The following PRDM10 variants were observed in gnomAD, a reference collection of about 807,000 sequenced individuals.
PRDM10 encodes the protein PR/SET domain 10.
PRDM10 carries 65 observed loss-of-function variants against 133.1 expected under a neutral mutation model. The ratio of observed to expected loss-of-function variants is 0.49; its 90% CI spans 0.40 to 0.60. The LOEUF is 0.60. Ranked by LOEUF, PRDM10 falls within the 20% of genes least tolerant of loss-of-function variation. PRDM10 has a pLI of 0.00. For synonymous variants in PRDM10, 582 were observed against 580.4 expected (o/e 1.00, Z -0.04); for missense variants, 1,137 against 1,507.1 (o/e 0.75, Z 4.07).
At chr11:129,995,887 C>G (rs140284317) in intron 1 of PRDM10, among the ~76,000 whole-genome samples, 1 of 151,500 alleles carries the variant, frequency 6.6e-6, no homozygotes, top group African/African-American at 2.4e-5. Context: ...CGGAGGTTGC[C>G]GTGAGCTGAG....
chr11:129,907,242 A>G (rs1950043832), intron 19 of PRDM10, among the ~76,000 whole-genome samples: 1 of 152,220 alleles, frequency 6.6e-6, no homozygotes, highest in African/African-American at 2.4e-5. Context: ...GCTTGGTAAC[A>G]TGGGAATCCC....
chr11:129,906,939 T>C (rs900727860), intron 19 of PRDM10, among the ~76,000 whole-genome samples: 1 of 149,690 alleles, frequency 6.7e-6, no homozygotes, highest in South Asian at 2.1e-4. Flanking sequence ...ATCGCACCAC[T>C]GCACTCTAGG....
chr11:129,911,913 T>C lies in PRDM10; in HGVS notation c.2982+172A>G, dbSNP rs1288133143. 3.9e-5 allele frequency among the ~76,000 whole-genome samples: 6 copies of C among 152,344 alleles called. No individual in the cohort carries two copies. The South Asian group carries it at 1.0e-3, about 26-fold the overall frequency. ...CAGAAGCAGCTAACAGCTTAATATG[T>C]GTCCACAATGCCAATATAAAAATTG... On this transcript the variant is annotated intron_variant, in intron 18 of 20. Transcript: ENST00000360871.
rs535965984 is a variant in PRDM10, at chr11:129,956,177, G to A, written c.235-606C>T. ...CTAAGTTGGCTCATGATGCAGCAAAGCTAACTAGAGAAAATTCTTCGAAAC... is the reference window on the plus strand; with the variant it reads ...CTAAGTTGGCTCATGATGCAGCAAAACTAACTAGAGAAAATTCTTCGAAAC... On this transcript the variant is annotated intron_variant, in intron 3 of 20. Transcript: ENST00000360871. Among the ~76,000 whole-genome samples, 14 of 152,196 alleles carry A rather than the reference G, an allele frequency of 9.2e-5. 1 individual carries two copies. The South Asian group carries it at 2.7e-3, about 29-fold the overall frequency.
chr11:130,002,143 G>GCCCGGCC (rs1482023523), intron 1 of PRDM10, among the ~76,000 whole-genome samples: 1 of 149,484 alleles, frequency 6.7e-6, no homozygotes, highest in South Asian at 2.1e-4. Flanking sequence ...CCAGCCCGGC[G>GCCCGGCC]CCCGGCCCCC....
intron 1 of PRDM10, among the ~76,000 whole-genome samples, chr11:129,990,490 C>G (rs1450459304): frequency 6.8e-6 from 1 of 146,812 alleles, no homozygotes; most frequent in Non-Finnish European, 1.5e-5. Flanking sequence ...CCACTGCACT[C>G]CAGCCTGGGT....
intron 1 of PRDM10, among the ~76,000 whole-genome samples, chr11:129,964,390 T>C (rs948421328): frequency 2.6e-4 from 40 of 152,358 alleles, no homozygotes; most frequent in African/African-American, 9.4e-4. Context: ...AGGTATACAG[T>C]GGACAATCTC....
In PRDM10 at chr11:129,900,926, T is replaced by C; in HGVS notation, c.*1387A>G. 6.6e-6 allele frequency: 1 copy of C among 152,654 alleles called. No homozygotes were observed. Among genetic ancestry groups the C allele is most frequent in the East Asian group, 1.9e-4 (1 of 5,198 alleles). 9.5% of individuals were successfully genotyped at this position (152,654 alleles called of 1,614,324 possible). A position where few individuals can be genotyped will look rare whatever the true frequency, so the allele number is the denominator to read the frequency against. ...AAAATTGTCTTTATCATAAAGAAGC[T>C]ACTCTACTTAATTTATAGAACCAGT... is the stretch of plus-strand genomic sequence containing the variant. On this transcript the variant is annotated 3_prime_UTR_variant, in exon 21 of 21. Coordinates refer to ENST00000360871, the MANE Select transcript of PRDM10 (RefSeq NM_199437.2).
chr11:129,962,381 C>T (rs1043157296), intron 1 of PRDM10, among the ~76,000 whole-genome samples: 1 of 152,208 alleles, frequency 6.6e-6, no homozygotes, highest in Non-Finnish European at 1.5e-5. Context: ...AGAGAGGATG[C>T]CATGTCCATC....
chr11:129,908,763 C>T (rs1376562820), intron 19 of PRDM10, among the ~76,000 whole-genome samples: 2 of 152,202 alleles, frequency 1.3e-5, no homozygotes, highest in East Asian at 1.9e-4. Flanking sequence ...ATCTTCATCA[C>T]TCCACTTTTT....
chr11:129,941,100 T>G (rs1232127182), intron 7 of PRDM10, among the ~76,000 whole-genome samples: 36 of 152,216 alleles, frequency 2.4e-4, no homozygotes, highest in Admixed American at 2.4e-3. Flanking sequence ...AAAACAGAGG[T>G]TCTGCATACC....
At chr11:129,960,760 T>A (rs1239555900) in intron 2 of PRDM10, 136 bp downstream of exon 2, 3 of 846,278 alleles carry the variant, frequency 3.5e-6, no homozygotes, top group Admixed American at 2.3e-5. Context: ...ACAGTCCCTA[T>A]TCCTTGTGTA....
intron 1 of PRDM10, among the ~76,000 whole-genome samples, chr11:129,963,265 C>T (rs6590430): frequency 0.033 from 4,952 of 150,776 alleles, 269 homozygotes; most frequent in African/African-American, 0.11. Context: ...AATCAGAGCC[C>T]GGCGTGGTGG....
intron 1 of PRDM10, among the ~76,000 whole-genome samples, chr11:129,994,880 C>T (rs1591708527): frequency 6.6e-6 from 1 of 152,240 alleles, no homozygotes; most frequent in East Asian, 1.9e-4. Context: ...GTCTTGATCT[C>T]CTGACCTCGT....
intron 1 of PRDM10, among the ~76,000 whole-genome samples, chr11:129,976,498 A>T (rs980295325): frequency 2.0e-5 from 3 of 152,212 alleles, no homozygotes; most frequent in African/African-American, 7.2e-5. Flanking sequence ...GGTCACGACA[A>T]CTCAATGAAG....
chr11:129,929,444 G>A (rs1441465575), intron 11 of PRDM10: 12 of 1,552,284 alleles, frequency 7.7e-6, no homozygotes, highest in Non-Finnish European at 1.0e-5. Context: ...CATTAGAGGA[G>A]AGAAAAATAG....
In PRDM10 at chr11:129,923,264, C is replaced by T. The variant is rs1319176059; in HGVS notation, c.2018G>A (p.Cys673Tyr). 1 of 1,587,210 alleles carries T rather than the reference C, an allele frequency of 6.3e-7. No homozygotes were observed. Among genetic ancestry groups the T allele is most frequent in the Non-Finnish European group, 8.6e-7 (1 of 1,165,766 alleles). The change falls in exon 13 of 21, where the codon TGT becomes TAT. Residue 673 changes from cysteine (C) to tyrosine (Y), a missense_variant. By Grantham distance (194) the Cys-to-Tyr change is radical. Around this residue, in one of 6 missense-constraint regions of PRDM10, gnomAD observed 78 missense variants for 96.4 expected, o/e 0.81. Transcript: ENST00000360871. The surrounding 1 kb of genome is among the most constrained non-coding windows in gnomAD (Gnocchi z 4.4). ...GTGTCATACCTTAAATTGCTTCCCA[C>T]AGGTGGAACACAGGAAGTCTTTGCG... is the stretch of plus-strand genomic sequence containing the variant. ...SDRKDFLCST[C>Y]GKQFKRKDKL...
At chr11:129,977,683 G>A (rs903342188) in intron 1 of PRDM10, among the ~76,000 whole-genome samples, 5 of 152,160 alleles carry the variant, frequency 3.3e-5, no homozygotes, top group African/African-American at 9.7e-5. Context: ...GGCCAGGCAC[G>A]GTAGCTCATG....
In PRDM10 at chr11:129,935,154, C is replaced by A; in HGVS notation, c.1104G>T (p.Glu368Asp). ...YECNRRFISS[E>D]QLQQHLNSHD... is the part of the protein sequence containing the mutation. ...GAGAATTGAGATGCTGTTGCAACTG[C>A]TCCGAGCTTATAAATCGGCGGTTAC... Residue 368 changes from glutamate (E) to aspartate (D), a missense_variant, in exon 9 of 21, where the codon GAG becomes GAT. Transcript: ENST00000360871. 6.2e-7 allele frequency: 1 copy of A among 1,614,150 alleles called. No individual in the cohort carries two copies. Among genetic ancestry groups the A allele is most frequent in the Non-Finnish European group, 8.5e-7 (1 of 1,179,990 alleles).
Sources: gnomAD v4.1 joint callset for allele counts (sites outside exome capture counted in the v4.1 genomes callset) on GRCh38, gnomAD v4.1.1 for gene constraint, gnomAD v4.1.1 regional missense constraint, Gnocchi (gnomAD v3.1) non-coding constraint, MANE v1.5 for transcripts, NCBI Gene and HGNC (gene_info 2026-07-23, HGNC 2026-07-21) for gene names.